The following FHAD1 variants were observed in gnomAD, a reference collection of about 807,000 sequenced individuals.
FHAD1 encodes the protein forkhead-associated domain-containing protein 1.
In FHAD1, 146 loss-of-function variants were observed where a neutral mutation model predicts 191.3. The ratio of observed to expected loss-of-function variants is 0.76; its 90% CI spans 0.67 to 0.88. The LOEUF (loss-of-function observed/expected upper bound fraction) is 0.88, where lower values mean the gene tolerates loss of function less well. Among genes scored for constraint, FHAD1 ranks in the 40% least tolerant of loss-of-function variants. The probability of loss-of-function intolerance (pLI) is 0.00; values close to 1 mark genes in which losing one functional copy is unlikely to be tolerated. For synonymous variants in FHAD1, 616 were observed against 672.3 expected, an observed-to-expected ratio of 0.92 and a Z score of 1.29; for missense variants, 1,635 against 1,785.8, an observed-to-expected ratio of 0.92 and a Z score of 1.52.
intron 31 of FHAD1, among the ~76,000 whole-genome samples, chr1:15,385,415 G>A (rs1303157708): frequency 1.3e-5 from 2 of 151,924 alleles, no homozygotes; most frequent in African/African-American, 2.4e-5. Context: ...AGAACTATCC[G>A]CCCCTGACAC....
At chr1:15,258,581 T>G (rs1310541573) in intron 2 of FHAD1, among the ~76,000 whole-genome samples, 1 of 140,770 alleles carries the variant, frequency 7.1e-6, no homozygotes, top group Non-Finnish European at 1.6e-5. Flanking sequence ...TATCTCTGTC[T>G]CTCTTTTTTT....
chr1:15,356,209 C>T (rs1028853816), intron 20 of FHAD1, among the ~76,000 whole-genome samples: 12 of 152,204 alleles, frequency 7.9e-5, no homozygotes, highest in Non-Finnish European at 5.9e-5. Context: ...AGAGTTTATT[C>T]GAGCTCAAAG....
chr1:15,292,849 G>A (rs1665356703), intron 4 of FHAD1, among the ~76,000 whole-genome samples: 1 of 152,176 alleles, frequency 6.6e-6, no homozygotes, highest in South Asian at 2.1e-4. Context: ...CAGCAGTTTG[G>A]GAGGCTGAGG....
chr1:15,362,625 A>G lies in FHAD1; in HGVS notation c.2963-17A>G, dbSNP rs375310517. 5 of 1,545,038 alleles carry G rather than the reference A, an allele frequency of 3.2e-6. No homozygotes were observed. The highest frequency in any genetic ancestry group is 4.4e-6 in the Non-Finnish European group (5 of 1,140,946). ...GACAGTTTCCTCTCACAATGATCAC[A>G]TGTCCCTCTGATACAGCCCCAAAGG... On this transcript the variant is annotated splice_polypyrimidine_tract_variant and intron_variant, in intron 22 of 33. Coordinates refer to ENST00000688493, the MANE Select transcript of FHAD1 (RefSeq NM_001391957.1).
Position 15,352,999 on chromosome 1 carries a change from G to A in FHAD1, c.2562+15G>A. 6.5e-7 allele frequency: 1 copy of A among 1,539,454 alleles called. No individual in the cohort carries two copies. Among genetic ancestry groups the A allele is most frequent in the Non-Finnish European group, 8.8e-7 (1 of 1,136,352 alleles). On this transcript the variant is annotated intron_variant, in intron 20 of 33. Coordinates refer to ENST00000688493, the MANE Select transcript of FHAD1 (RefSeq NM_001391957.1). Reference sequence around the variant, plus strand: ...AGCAGAAAGAGGTATGAGCCGCAGGGAGGGAGAGACGAGAGGGGCCCAGCA... The same window carrying A: ...AGCAGAAAGAGGTATGAGCCGCAGGAAGGGAGAGACGAGAGGGGCCCAGCA...
Position 15,358,300 on chromosome 1 carries a change from C to T in FHAD1, c.2736+17C>T, listed in dbSNP as rs533348276. 19 of 1,519,410 alleles carry T rather than the reference C, an allele frequency of 1.3e-5. No homozygotes were observed. The highest frequency in any genetic ancestry group is 9.9e-5 in the African/African-American group (7 of 70,644). 94.1% of individuals were successfully genotyped at this position (1,519,410 alleles called of 1,614,324 possible). On this transcript the variant is annotated intron_variant, in intron 21 of 33. Coordinates refer to ENST00000688493, the MANE Select transcript of FHAD1 (RefSeq NM_001391957.1). ...ACAAAAATGGTAAGTCGGTGCCTTC[C>T]GGGAACGGGAGAATTTTTCTCTCAA...
At chr1:15,367,266 C>A (rs186434654) in intron 24 of FHAD1, among the ~76,000 whole-genome samples, 197 bp from the exon 25 acceptor site, 10 of 152,174 alleles carry the variant, frequency 6.6e-5, no homozygotes, top group Admixed American at 1.3e-4. Flanking sequence ...GAGACTGAGG[C>A]GGGTGGATCA....
chr1:15,330,770 T>A (rs1319150629), intron 14 of FHAD1, among the ~76,000 whole-genome samples: 1 of 152,036 alleles, frequency 6.6e-6, no homozygotes, highest in Non-Finnish European at 1.5e-5. Context: ...GCCATGCATG[T>A]GGGGTCTCGC....
chr1:15,350,091 G>A (rs1254446070), intron 19 of FHAD1, among the ~76,000 whole-genome samples: 2 of 152,124 alleles, frequency 1.3e-5, no homozygotes, highest in African/African-American at 2.4e-5. Flanking sequence ...CTCAGTGAAC[G>A]GTTCGATTCG....
intron 3 of FHAD1, among the ~76,000 whole-genome samples, chr1:15,288,660 G>A (rs1037879431): frequency 6.6e-6 from 1 of 152,178 alleles, no homozygotes; most frequent in African/African-American, 2.4e-5. Context: ...TTATTCTAGG[G>A]GCTGAGGATA....
At chr1:15,388,903 G>C (rs373377580) in intron 32 of FHAD1, among the ~76,000 whole-genome samples, 3 of 152,320 alleles carry the variant, frequency 2.0e-5, no homozygotes, top group South Asian at 4.1e-4. Context: ...AACAGCTCTT[G>C]AGACAGATCG....
intron 18 of FHAD1, among the ~76,000 whole-genome samples, chr1:15,347,595 G>A (rs909314980): frequency 6.6e-6 from 1 of 152,196 alleles, no homozygotes; most frequent in African/African-American, 2.4e-5. Context: ...GACTACAGGT[G>A]CACCACCATG....
At chr1:15,272,820 G>T (rs1656688285) in intron 3 of FHAD1, among the ~76,000 whole-genome samples, 1 of 152,180 alleles carries the variant, frequency 6.6e-6, no homozygotes, top group African/African-American at 2.4e-5. Flanking sequence ...GGAAAACAAG[G>T]TGTGCTTTTG....
chr1:15,265,970 C>CAAAAAAAAA (rs531702447), intron 2 of FHAD1, among the ~76,000 whole-genome samples: 4 of 78,704 alleles, frequency 5.1e-5, no homozygotes, highest in East Asian at 3.8e-4. Flanking sequence ...GACTCCATCT[C>CAAAAAAAAA]AAAAAAAAAA....
At chr1:15,294,487 G>A (rs777802638) in intron 4 of FHAD1, among the ~76,000 whole-genome samples, 5 of 152,164 alleles carry the variant, frequency 3.3e-5, no homozygotes, top group South Asian at 2.1e-4. Context: ...TCTACCTCCC[G>A]GGTTCAAGCG....
intron 20 of FHAD1, among the ~76,000 whole-genome samples, chr1:15,355,342 A>G (rs966543626): frequency 7.7e-4 from 118 of 152,346 alleles, no homozygotes; most frequent in African/African-American, 2.7e-3. Context: ...AAATACAAGT[A>G]CAGTCAGGCA....
At chr1:15,339,306 C>G (rs574896216) in intron 14 of FHAD1, among the ~76,000 whole-genome samples, 175 bp from the exon 15 acceptor site, 1 of 152,280 alleles carries the variant, frequency 6.6e-6, no homozygotes, top group African/African-American at 2.4e-5. Context: ...CAGGTGTGAA[C>G]CTCCATGCCC....
chr1:15,393,432 A>ACG (rs1557469340), intron 33 of FHAD1, among the ~76,000 whole-genome samples: 1 of 135,678 alleles, frequency 7.4e-6, no homozygotes, highest in Non-Finnish European at 1.5e-5. Context: ...ACACACACGC[A>ACG]CACACACACA....
intron 26 of FHAD1, 84 bp from the exon 27 acceptor site, chr1:15,374,418 T>C (rs1698985471): frequency 5.9e-6 from 9 of 1,515,586 alleles, no homozygotes; most frequent in Non-Finnish European, 8.0e-6. Context: ...GGTTCCTCTA[T>C]ACATGAATTG....
Sources: gnomAD v4.1 joint callset for allele counts (sites outside exome capture counted in the v4.1 genomes callset) on GRCh38, gnomAD v4.1.1 for gene constraint, MANE v1.5 for transcripts, NCBI Gene and HGNC (gene_info 2026-07-23, HGNC 2026-07-21) for gene names.